Variants in GPR180 observed in about 807,000 individuals in gnomAD.
GPR180 encodes integral membrane protein GPR180.
Under a neutral mutation model 52.6 loss-of-function variants are expected in GPR180, and 53 were observed. The ratio of observed to expected loss-of-function variants is 1.01; its 90% CI spans 0.81 to 1.27. The LOEUF is 1.27. Ranked by LOEUF, GPR180 falls within the 50% of genes most tolerant of loss-of-function variation. The pLI is 0.00. For synonymous variants in GPR180, 200 were observed against 193.1 expected, an observed-to-expected ratio of 1.04 and a Z score of -0.30; for missense variants, 533 against 527.0, an observed-to-expected ratio of 1.01 and a Z score of -0.11.
chr13:94,607,982 C>G lies in GPR180; in HGVS notation c.304+2433C>G, dbSNP rs138504888. On this transcript the variant is annotated intron_variant, in intron 2 of 8. Transcript: ENST00000376958. Reference sequence around the variant, plus strand: ...GGCATCTCAAAGACTTTTTCTATCTCCAACAAAAACTTACTAGGCAGTTTA... The same window carrying G: ...GGCATCTCAAAGACTTTTTCTATCTGCAACAAAAACTTACTAGGCAGTTTA... 1.9e-3 allele frequency among the ~76,000 whole-genome samples: 292 copies of G among 152,216 alleles called. 3 individuals are homozygous for G. The highest frequency in any genetic ancestry group is 6.6e-3 in the African/African-American group (274 of 41,532).
rs1468451867 is a variant in GPR180 at position 94,631,698 on chromosome 13, TATTA to T, written c.*4532_*4535del. 7.3e-5 allele frequency: 11 copies of T among 151,018 alleles called. No individual in the cohort carries two copies. The Admixed American group carries it at 7.3e-4, about 10-fold the overall frequency. The allele number at this position is 151,018 out of a possible 1,614,324, so 9.4% of individuals were successfully genotyped here. On this transcript the variant is annotated 3_prime_UTR_variant, in exon 9 of 9. Transcript: ENST00000376958. Reference sequence around the variant, plus strand: ...TCCAAATCTGTACTTAACAGTGTAGTATTAATTATGTAATAGAAGTACCCGTAGT... The same window carrying T: ...TCCAAATCTGTACTTAACAGTGTAGTATTATGTAATAGAAGTACCCGTAGT...
chr13:94,612,668 AGTTTT>A (rs1889725857), intron 3 of GPR180, among the ~76,000 whole-genome samples: 1 of 152,206 alleles, frequency 6.6e-6, no homozygotes, highest in African/African-American at 2.4e-5. Flanking sequence ...AGAATTGTAT[AGTTTT>A]GTTTGTTTGC....
At chr13:94,626,524 A>G (rs1438614308) in intron 8 of GPR180, among the ~76,000 whole-genome samples, 1 of 152,142 alleles carries the variant, frequency 6.6e-6, no homozygotes, top group Non-Finnish European at 1.5e-5. Context: ...TTTACAAGCA[A>G]TGCAGTATGT....
At chr13:94,604,162 C>T (rs775602092) in intron 1 of GPR180, among the ~76,000 whole-genome samples, 2 of 151,864 alleles carry the variant, frequency 1.3e-5, no homozygotes, top group Admixed American at 6.6e-5. Context: ...GGTGAAACCC[C>T]GTCTCTATAA....
chr13:94,615,732 G>A (rs1889768848), intron 3 of GPR180, among the ~76,000 whole-genome samples: 4 of 152,162 alleles, frequency 2.6e-5, no homozygotes, highest in African/African-American at 9.7e-5. Context: ...ATATAGACTG[G>A]TTTTCACTGG....
At chr13:94,625,917 G>T in intron 7 of GPR180, 49 bp from the exon 8 acceptor site, 1 of 1,452,300 alleles carries the variant, frequency 6.9e-7, no homozygotes, top group Admixed American at 1.7e-5. Context: ...GGTACATGCT[G>T]AAAAAAAGCT....
intron 1 of GPR180, among the ~76,000 whole-genome samples, chr13:94,603,479 C>G (rs1889586645): frequency 6.6e-6 from 1 of 152,144 alleles, no homozygotes; most frequent in African/African-American, 2.4e-5. Context: ...CATTCTGTTT[C>G]ATATGTGTAA....
chr13:94,612,110 C>T, intron 2 of GPR180, 80 bp from the exon 3 acceptor site: 1 of 1,097,924 alleles, frequency 9.1e-7, no homozygotes, highest in South Asian at 1.4e-5. Context: ...ATTGTCCTAA[C>T]CTCAAATTGA....
chr13:94,612,426 G>A (rs975257557), intron 3 of GPR180, 36 bp downstream of exon 3: 4 of 1,424,316 alleles, frequency 2.8e-6, no homozygotes, highest in Non-Finnish European at 2.9e-6. Context: ...CTAAATTCAG[G>A]AAAAGATTTA....
intron 3 of GPR180, among the ~76,000 whole-genome samples, chr13:94,614,772 T>C (rs961828272): frequency 8.5e-5 from 13 of 152,222 alleles, no homozygotes; most frequent in African/African-American, 2.7e-4. Context: ...GGAAGTTACA[T>C]TGAGTATGTC....
intron 6 of GPR180, among the ~76,000 whole-genome samples, chr13:94,622,453 A>G (rs1353709103): frequency 6.6e-6 from 1 of 152,246 alleles, no homozygotes; most frequent in Admixed American, 6.5e-5. Flanking sequence ...ATCTTCAACA[A>G]GCCAGACAAG....
rs1890006547 is a variant in GPR180, at chr13:94,632,134, C to G, written c.*4963C>G. On this transcript the variant is annotated 3_prime_UTR_variant, in exon 9 of 9. Coordinates refer to ENST00000376958, the MANE Select transcript of GPR180 (RefSeq NM_180989.6). The stretch of plus-strand genomic sequence containing the variant: ...GATTTGTTGTTCAATGTATTCATGA[C>G]AGTGACTGATGGTAATCAAGAAAAT... The G allele has an allele frequency of 6.6e-6, 1 of 152,292 alleles. No homozygotes were observed. The highest frequency in any genetic ancestry group is 1.9e-4 in the East Asian group (1 of 5,184). The allele number at this position is 152,292 out of a possible 1,614,324, so 9.4% of individuals were successfully genotyped here. A position where few individuals can be genotyped will look rare whatever the true frequency, so the allele number is the denominator to read the frequency against.
intron 3 of GPR180, among the ~76,000 whole-genome samples, 190 bp downstream of exon 3, chr13:94,612,580 G>A (rs1487400324): frequency 6.6e-6 from 1 of 152,142 alleles, no homozygotes; most frequent in Non-Finnish European, 1.5e-5. Flanking sequence ...TATTACTTGA[G>A]TGTATTAAAA....
chr13:94,620,245 A>G (rs1040867698), intron 5 of GPR180, among the ~76,000 whole-genome samples: 2 of 152,224 alleles, frequency 1.3e-5, no homozygotes, highest in Non-Finnish European at 1.5e-5. Context: ...ACTCTCTGTT[A>G]TAACTGACTC....
At chr13:94,625,893 A>G in intron 7 of GPR180, 73 bp from the exon 8 acceptor site, 2 of 1,043,948 alleles carry the variant, frequency 1.9e-6, no homozygotes, top group Non-Finnish European at 2.9e-6. Context: ...AATGCTAGTA[A>G]CATTTTTTTG....
chr13:94,624,212 G>C (rs1345427831), intron 7 of GPR180, among the ~76,000 whole-genome samples: 1 of 152,090 alleles, frequency 6.6e-6, no homozygotes, highest in Non-Finnish European at 1.5e-5. Context: ...TCCCTAGAAG[G>C]TTTCATTTTT....
At chr13:94,618,870 G>C (rs977558354) in intron 3 of GPR180, among the ~76,000 whole-genome samples, 1 of 152,154 alleles carries the variant, frequency 6.6e-6, no homozygotes, top group Non-Finnish European at 1.5e-5. Flanking sequence ...AAACAAAACT[G>C]TGATTTTATG....
In GPR180 at chr13:94,633,713, T is replaced by C. The variant is rs1890029345; in HGVS notation, c.*6542T>C. 6.6e-6 allele frequency: 1 copy of C among 152,220 alleles called. No homozygotes were observed. Among genetic ancestry groups the C allele is most frequent in the South Asian group, 2.1e-4 (1 of 4,824 alleles). 9.4% of individuals were successfully genotyped at this position (152,220 alleles called of 1,614,324 possible). A position where few individuals can be genotyped will look rare whatever the true frequency, so the allele number is the denominator to read the frequency against. ...AGTTTTTTTAATGCAGGTGGAATTATCAGTCTTTCATTTTTTTCTTCTGTG... is the reference window on the plus strand; with the variant it reads ...AGTTTTTTTAATGCAGGTGGAATTACCAGTCTTTCATTTTTTTCTTCTGTG... On this transcript the variant is annotated 3_prime_UTR_variant, in exon 9 of 9. Coordinates refer to ENST00000376958, the MANE Select transcript of GPR180 (RefSeq NM_180989.6).
rs1427405190 is a variant in GPR180, at chr13:94,628,567, A to G, written c.*1396A>G. On this transcript the variant is annotated 3_prime_UTR_variant, in exon 9 of 9. Transcript: ENST00000376958. ...GGCTTTGTTTTTGTTTTTCTTTTGT[A>G]CCTAGTCTCATTGGAAATGACTAGT... 6.6e-6 allele frequency: 1 copy of G among 152,002 alleles called. No individual in the cohort carries two copies. The highest frequency in any genetic ancestry group is 1.5e-5 in the Non-Finnish European group (1 of 67,904). 9.4% of individuals were successfully genotyped at this position (152,002 alleles called of 1,614,324 possible). A position where few individuals can be genotyped will look rare whatever the true frequency, so the allele number is the denominator to read the frequency against.
Sources: gnomAD v4.1 joint callset for allele counts (sites outside exome capture counted in the v4.1 genomes callset) on GRCh38, gnomAD v4.1.1 for gene constraint, MANE v1.5 for transcripts, NCBI Gene and HGNC (gene_info 2026-07-23, HGNC 2026-07-21) for gene names.